Variants in WAC observed in about 807,000 individuals in gnomAD.
WAC encodes the protein WW domain containing adaptor with coiled-coil.
In WAC, 11 loss-of-function variants were observed where a neutral mutation model predicts 79.6. That is an observed-to-expected ratio of 0.14 (90% CI 0.09 to 0.23). WAC has a LOEUF of 0.23. Ranked by LOEUF, WAC falls within the 10% of genes least tolerant of loss-of-function variation. The pLI is 1.00. For missense variants in WAC, 728 were observed against 773.5 expected (o/e 0.94, Z 0.70); for synonymous variants, 304 against 276.9 (o/e 1.10, Z -0.97).
intron 3 of WAC, among the ~76,000 whole-genome samples, chr10:28,543,562 G>C (rs571103829): frequency 9.8e-5 from 15 of 152,340 alleles, no homozygotes; most frequent in Non-Finnish European, 1.8e-4. Context: ...CTGTTGGCCT[G>C]TCTGGCTTTT....
chr10:28,548,007 G>A (rs1487282858), intron 3 of WAC, among the ~76,000 whole-genome samples: 2 of 146,886 alleles, frequency 1.4e-5, no homozygotes, highest in East Asian at 2.0e-4. Context: ...TGCAATCTCC[G>A]CCTCCCGGGT....
At chr10:28,616,033 T>C (rs1233502168) in intron 11 of WAC, 140 bp from the exon 12 acceptor site, 4 of 650,782 alleles carry the variant, frequency 6.1e-6, no homozygotes, top group African/African-American at 5.5e-5. Flanking sequence ...TAATTCTCTT[T>C]ATTTGACATT....
chr10:28,619,241 C>G (rs1032834505), intron 13 of WAC, among the ~76,000 whole-genome samples: 3 of 152,136 alleles, frequency 2.0e-5, no homozygotes, highest in Non-Finnish European at 4.4e-5. Context: ...GATTGCACCC[C>G]TGCCCTCTAG....
At chr10:28,594,160 G>A (rs1840236690) in intron 6 of WAC, among the ~76,000 whole-genome samples, 1 of 143,640 alleles carries the variant, frequency 7.0e-6, no homozygotes, top group Non-Finnish European at 1.6e-5. Context: ...CTGTAATGCT[G>A]CTGCCCTTTT....
In WAC at chr10:28,621,215, A is replaced by ATTTTTTTTTTTTT. The variant is rs9331408; in HGVS notation, c.*1617_*1629dup. On this transcript the variant is annotated 3_prime_UTR_variant, in exon 14 of 14. Coordinates refer to ENST00000354911, the MANE Select transcript of WAC (RefSeq NM_016628.5). ...TAAATTGGTTTAGGGTTTTTTGGTGATTTTTTTTTTTTTTTTTTTTCTGTT... is the reference window on the plus strand; with the variant it reads ...TAAATTGGTTTAGGGTTTTTTGGTGATTTTTTTTTTTTTTTTTTTTTTTTTTTTTTTTTCTGTT... The ATTTTTTTTTTTTT allele has an allele frequency of 2.9e-5, 3 of 102,506 alleles. No individual in the cohort carries two copies. The highest frequency in any genetic ancestry group is 3.9e-5 in the Non-Finnish European group (2 of 51,872). The allele number at this position is 102,506 out of a possible 1,614,324, so 6.3% of individuals were successfully genotyped here.
intron 3 of WAC, among the ~76,000 whole-genome samples, chr10:28,536,491 T>C (rs548658666): frequency 6.6e-6 from 1 of 152,344 alleles, no homozygotes; most frequent in Admixed American, 6.5e-5. Context: ...ATTATGTTTT[T>C]TCAGGATAGT....
intron 3 of WAC, among the ~76,000 whole-genome samples, chr10:28,536,439 C>A (rs1159144021): frequency 6.6e-6 from 1 of 152,256 alleles, no homozygotes; most frequent in South Asian, 2.1e-4. Context: ...GTGTTCAAAT[C>A]TGTTTTCTAA....
intron 7 of WAC, among the ~76,000 whole-genome samples, chr10:28,604,986 A>G (rs1840867972): frequency 6.6e-6 from 1 of 152,210 alleles, no homozygotes; most frequent in Non-Finnish European, 1.5e-5. Flanking sequence ...TTAGTATTAT[A>G]CATGTAGATT....
chr10:28,608,895 A>G (rs1841089050), intron 8 of WAC, among the ~76,000 whole-genome samples: 1 of 152,228 alleles, frequency 6.6e-6, no homozygotes, highest in Non-Finnish European at 1.5e-5. Flanking sequence ...AATTCTGAGA[A>G]GGGAGGAGAT....
At chr10:28,609,994 C>T (rs1441610210) in intron 8 of WAC, among the ~76,000 whole-genome samples, 1 of 134,866 alleles carries the variant, frequency 7.4e-6, no homozygotes, top group Non-Finnish European at 1.5e-5. Context: ...TGCAGTGGTG[C>T]AATCCCGGCT....
At chr10:28,607,937 G>C (rs1841041746) in intron 7 of WAC, among the ~76,000 whole-genome samples, 1 of 152,166 alleles carries the variant, frequency 6.6e-6, no homozygotes, top group Admixed American at 6.5e-5. Flanking sequence ...TGATTTACCA[G>C]GTTTTATGGC....
intron 3 of WAC, among the ~76,000 whole-genome samples, chr10:28,550,176 A>G (rs959221684): frequency 1.3e-5 from 2 of 151,756 alleles, no homozygotes; most frequent in African/African-American, 2.4e-5. Flanking sequence ...CAAAAAAAAA[A>G]AAAAGTTTGT....
At chr10:28,544,144 A>G (rs984277765) in intron 3 of WAC, among the ~76,000 whole-genome samples, 3 of 152,144 alleles carry the variant, frequency 2.0e-5, no homozygotes, top group Non-Finnish European at 4.4e-5. Context: ...CAGCCTCCCA[A>G]AGTGCTGGGA....
At chr10:28,566,296 G>GC (rs1302328759) in intron 3 of WAC, among the ~76,000 whole-genome samples, 3 of 152,110 alleles carry the variant, frequency 2.0e-5, no homozygotes, top group African/African-American at 7.2e-5. Context: ...GTAGGGTGGG[G>GC]CAAGTGTTGA....
intron 2 of WAC, 33 bp downstream of exon 2, chr10:28,534,067 A>T (rs369532938): frequency 1.9e-6 from 3 of 1,551,346 alleles, no homozygotes; most frequent in Non-Finnish European, 2.6e-6. Flanking sequence ...AGGGATTGGA[A>T]GGGGCCGGAG....
At chr10:28,568,279 A>G (rs1369249556) in intron 3 of WAC, among the ~76,000 whole-genome samples, 1 of 152,240 alleles carries the variant, frequency 6.6e-6, no homozygotes. Flanking sequence ...GCAAAAATAC[A>G]TTATTCCAGT....
At chr10:28,542,847 A>G (rs1245835050) in intron 3 of WAC, among the ~76,000 whole-genome samples, 1 of 152,202 alleles carries the variant, frequency 6.6e-6, no homozygotes, top group East Asian at 1.9e-4. Context: ...AAATTTGTCT[A>G]TTTGGAAACA....
chr10:28,600,917 G>C (rs1038369236), intron 7 of WAC, among the ~76,000 whole-genome samples: 13 of 151,806 alleles, frequency 8.6e-5, no homozygotes, highest in Non-Finnish European at 1.9e-4. Context: ...TTAGAGAAGA[G>C]CTGTTGCACC....
chr10:28,574,043 C>T (rs903924550), intron 3 of WAC, among the ~76,000 whole-genome samples: 1 of 152,126 alleles, frequency 6.6e-6, no homozygotes, highest in Non-Finnish European at 1.5e-5. Flanking sequence ...GTACTCATTT[C>T]TTTTTGTTGC....
Sources: allele counts gnomAD v4.1 joint callset (sites outside exome capture counted in the v4.1 genomes callset), GRCh38; gene constraint gnomAD v4.1.1; transcripts MANE v1.5; gene names NCBI Gene and HGNC (gene_info 2026-07-23, HGNC 2026-07-21).